The following WDPCP variants were observed in gnomAD, a reference collection of about 807,000 sequenced individuals.
WDPCP encodes the protein WD repeat-containing and planar cell polarity effector protein fritz homolog.
Under a neutral mutation model 93.1 loss-of-function variants are expected in WDPCP, and 71 were observed. That is an observed-to-expected ratio of 0.76 (90% CI 0.63 to 0.93). The LOEUF is 0.93. Among genes scored for constraint, WDPCP ranks in the 40% least tolerant of loss-of-function variants. The pLI, the probability that WDPCP is intolerant of heterozygous loss-of-function variation, is 0.00. For missense variants in WDPCP, 844 were observed against 887.4 expected (o/e 0.95, Z 0.62); for synonymous variants, 315 against 315.0 (o/e 1.00, Z 0.00).
At chr2:63,537,345 T>A (rs1283216552) in intron 1 of WDPCP, among the ~76,000 whole-genome samples, 4 of 152,200 alleles carry the variant, frequency 2.6e-5, no homozygotes, top group African/African-American at 9.6e-5. Context: ...AAAGTTTGTA[T>A]CCCTGCCTCT....
intron 13 of WDPCP, among the ~76,000 whole-genome samples, chr2:63,284,966 A>T (rs1481870996): frequency 6.6e-6 from 1 of 152,212 alleles, no homozygotes; most frequent in Non-Finnish European, 1.5e-5. Context: ...AATAAACCAA[A>T]ATAGAAGGTA....
Position 63,588,377 on chromosome 2 carries a change from C to CGCCACA in WDPCP, c.-112_-107dup, listed in dbSNP as rs1575713699. 1 of 1,329,284 alleles carries CGCCACA rather than the reference C, an allele frequency of 7.5e-7. No individual in the cohort carries two copies. Among genetic ancestry groups the CGCCACA allele is most frequent in the East Asian group, 2.5e-5 (1 of 39,932 alleles). The allele number at this position is 1,329,284 out of a possible 1,614,324, so 82.3% of individuals were successfully genotyped here. A position where few individuals can be genotyped will look rare whatever the true frequency, so the allele number is the denominator to read the frequency against. On this transcript the variant is annotated 5_prime_UTR_variant, in exon 1 of 18. Transcript: ENST00000272321. ...TGGGTCTCCAGGACGCCGCCGCCGC[C>CGCCACA]GCCACAGTTTCCTCAGGTGCTACAA...
At chr2:63,602,931 G>GTTTTT (rs1709452599) in intron 3 of WDPCP, among the ~76,000 whole-genome samples, 1 of 105,760 alleles carries the variant, frequency 9.5e-6, no homozygotes, top group Non-Finnish European at 2.2e-5. Context: ...TTATTTAACC[G>GTTTTT]TTCTTTTTTT....
chr2:63,563,709 C>T (rs1389363441), intron 1 of WDPCP, among the ~76,000 whole-genome samples: 1 of 152,012 alleles, frequency 6.6e-6, no homozygotes, highest in Non-Finnish European at 1.5e-5. Flanking sequence ...GGGTAGATCC[C>T]TAGTGCAAAA....
upstream of WDPCP, chr2:63,588,930 A>AAAAG: frequency 6.9e-7 from 1 of 1,454,486 alleles, no homozygotes; most frequent in South Asian, 1.1e-5. Flanking sequence ...TCGGGAGCGG[A>AAAAG]GCCTTTTCTC....
intron 6 of WDPCP, among the ~76,000 whole-genome samples, chr2:63,458,122 C>CAAAAAAAAAAAAA (rs1225404392): frequency 1.8e-5 from 1 of 56,410 alleles, no homozygotes. Context: ...GACTCCGTCT[C>CAAAAAAAAAAAAA]AAAAAAAAAA....
At chr2:63,595,351 T>C (rs1398392415) in intron 3 of WDPCP, 3 of 939,260 alleles carry the variant, frequency 3.2e-6, no homozygotes, top group African/African-American at 3.2e-5. Flanking sequence ...AAATAAAAAC[T>C]ATGTGAAAAG....
chr2:63,254,834 T>C (rs1389635825), intron 14 of WDPCP, among the ~76,000 whole-genome samples: 1 of 152,142 alleles, frequency 6.6e-6, no homozygotes, highest in Non-Finnish European at 1.5e-5. Flanking sequence ...TAGGCAGAGA[T>C]ATTGAAGCAA....
At chr2:63,216,361 A>G (rs1000843106) in intron 14 of WDPCP, among the ~76,000 whole-genome samples, 6 of 152,178 alleles carry the variant, frequency 3.9e-5, no homozygotes, top group Non-Finnish European at 8.8e-5. Context: ...TATACACCAT[A>G]GAATACTATG....
At chr2:63,662,014 G>C (rs957707436) in intron 2 of WDPCP, among the ~76,000 whole-genome samples, 1 of 152,114 alleles carries the variant, frequency 6.6e-6, no homozygotes, top group East Asian at 1.9e-4. Context: ...AAGGTAAGAG[G>C]GGAAGCATAA....
intron 14 of WDPCP, among the ~76,000 whole-genome samples, chr2:63,238,811 C>T (rs1679623793): frequency 2.0e-5 from 3 of 152,082 alleles, no homozygotes; most frequent in Admixed American, 2.0e-4. Flanking sequence ...AAGACATGGC[C>T]TTCATGAACT....
At chr2:63,594,527 C>A in intron 3 of WDPCP, 4 of 1,613,758 alleles carry the variant, frequency 2.5e-6, no homozygotes, top group South Asian at 2.2e-5. Context: ...AGCAGCTGGT[C>A]AAATTGCATA....
At chr2:63,344,577 T>C (rs1689064269) in intron 12 of WDPCP, among the ~76,000 whole-genome samples, 1 of 152,178 alleles carries the variant, frequency 6.6e-6, no homozygotes, top group African/African-American at 2.4e-5. Context: ...CCAAATATCT[T>C]TCTCCTCATC....
At chr2:63,520,594 T>TA (rs1303337120) in intron 1 of WDPCP, among the ~76,000 whole-genome samples, 3 of 152,172 alleles carry the variant, frequency 2.0e-5, no homozygotes, top group Non-Finnish European at 2.9e-5. Flanking sequence ...AAGCATTTTT[T>TA]AAAAAAAGAA....
intron 9 of WDPCP, among the ~76,000 whole-genome samples, chr2:63,409,500 C>G (rs532008958): frequency 6.6e-6 from 1 of 152,068 alleles, no homozygotes; most frequent in East Asian, 1.9e-4. Context: ...TCTTTAGTAC[C>G]CCCAAAAGAT....
chr2:63,316,133 C>T (rs1686620268), intron 12 of WDPCP, among the ~76,000 whole-genome samples: 1 of 151,898 alleles, frequency 6.6e-6, no homozygotes, highest in Admixed American at 6.6e-5. Flanking sequence ...AGGAATTACA[C>T]AGAATGTTAC....
At chr2:63,256,082 T>C (rs1016479030) in intron 14 of WDPCP, among the ~76,000 whole-genome samples, 5 of 152,096 alleles carry the variant, frequency 3.3e-5, no homozygotes, top group African/African-American at 1.2e-4. Context: ...GAAAACAATA[T>C]TATAAAGAAA....
intron 3 of WDPCP, among the ~76,000 whole-genome samples, chr2:63,648,006 T>A (rs1457201987): frequency 1.3e-5 from 2 of 152,200 alleles, no homozygotes; most frequent in Non-Finnish European, 2.9e-5. Flanking sequence ...ATGCATGAAT[T>A]CCTTCCAAAA....
At chr2:63,329,304 C>CT (rs749428951) in intron 12 of WDPCP, among the ~76,000 whole-genome samples, 5 of 152,128 alleles carry the variant, frequency 3.3e-5, no homozygotes, top group African/African-American at 4.8e-5. Flanking sequence ...CTGTTCCTGG[C>CT]TTATTTTACT....
Sources: gnomAD v4.1 joint callset for allele counts (sites outside exome capture counted in the v4.1 genomes callset) on GRCh38, gnomAD v4.1.1 for gene constraint, MANE v1.5 for transcripts, NCBI Gene and HGNC (gene_info 2026-07-23, HGNC 2026-07-21) for gene names.